Variants in TSEN15 observed in about 807,000 individuals in gnomAD.
The protein encoded by TSEN15 is tRNA-splicing endonuclease subunit Sen15.
In TSEN15, 10 loss-of-function variants were observed where a neutral mutation model predicts 20.5. That is an observed-to-expected ratio of 0.49 (90% CI 0.30 to 0.83). The LOEUF is 0.83. Among genes scored for constraint, TSEN15 ranks in the 40% least tolerant of loss-of-function variants. TSEN15 has a pLI of 0.06. For missense variants in TSEN15, 180 were observed against 218.6 expected (o/e 0.82, Z 1.11); for synonymous variants, 72 against 80.1 (o/e 0.90, Z 0.54).
chr1:184,087,320 T>G (rs1325302271), intron 3 of TSEN15, among the ~76,000 whole-genome samples: 2 of 152,232 alleles, frequency 1.3e-5, no homozygotes, highest in Non-Finnish European at 1.5e-5. Flanking sequence ...TACTATCTCT[T>G]TGAAATCTGG....
Position 184,072,187 on chromosome 1 carries a change from G to A in TSEN15, c.384G>A (p.Lys128=), listed in dbSNP as rs753665502. 76 of 1,613,440 alleles carry A rather than the reference G, an allele frequency of 4.7e-5. No homozygotes were observed. Among genetic ancestry groups the A allele is most frequent in the Non-Finnish European group, 6.4e-5 (75 of 1,179,680 alleles). ...GGGAGATCTTGAAGGCATCTCGAAA[G>A]TTGCAAGGTGATCCAGATTTGCCGA... The part of the protein sequence containing the change: ...RIREILKASR[K]LQGDPDLPMS... The change falls in exon 4 of 5, where the codon AAG becomes AAA. Residue 128 remains lysine (K), a synonymous_variant. Transcript: ENST00000645668.
intron 1 of TSEN15, among the ~76,000 whole-genome samples, chr1:184,054,079 C>T (rs769883970): frequency 3.2e-4 from 49 of 152,314 alleles, no homozygotes; most frequent in Middle Eastern, 3.4e-3. Flanking sequence ...GAGTAGAGCT[C>T]TTCTGACCTG....
intron 3 of TSEN15, chr1:184,095,556 C>G (rs2101949733): frequency 2.5e-6 from 1 of 394,192 alleles, no homozygotes; most frequent in East Asian, 3.6e-5. Context: ...AGAGTGGGGC[C>G]TTAATCCAAC....
chr1:184,076,015 C>T (rs1407442501), downstream of TSEN15, among the ~76,000 whole-genome samples: 2 of 151,456 alleles, frequency 1.3e-5, no homozygotes, highest in African/African-American at 4.8e-5. Flanking sequence ...TAGCAATAAA[C>T]CCCAGCTCTG....
exon 4 of TSEN15, chr1:184,095,858 G>C (rs1651440571): frequency 5.0e-6 from 2 of 397,910 alleles, no homozygotes; most frequent in Admixed American, 4.4e-5. Context: ...CTGGTCTGTG[G>C]TATTTTGTTA....
At chr1:184,093,474 TCTCTTAGGG>T (rs1268310810) in intron 3 of TSEN15, among the ~76,000 whole-genome samples, 1 of 152,152 alleles carries the variant, frequency 6.6e-6, no homozygotes, top group African/African-American at 2.4e-5. Context: ...ATAAAATCTA[TCTCTTAGGG>T]CTCTTGTGAG....
At chr1:184,061,349 A>G (rs192641410) in intron 3 of TSEN15, among the ~76,000 whole-genome samples, 2 of 152,266 alleles carry the variant, frequency 1.3e-5, no homozygotes, top group East Asian at 3.9e-4. Context: ...AAAACCTTAA[A>G]TAACATTTTT....
chr1:184,078,762 G>A (rs1651110331), downstream of TSEN15, among the ~76,000 whole-genome samples: 2 of 152,254 alleles, frequency 1.3e-5, no homozygotes, highest in South Asian at 2.1e-4. Context: ...CAAAGTTCAC[G>A]TAGTCAGCAT....
At chr1:184,095,658 TCTCTCTC>T (rs762066898) in intron 3 of TSEN15, 11 of 397,732 alleles carry the variant, frequency 2.8e-5, no homozygotes, top group Non-Finnish European at 3.5e-5. Flanking sequence ...TCTCTCTCTC[TCTCTCTC>T]TCTGTGTCTC....
chr1:184,072,468 A>G (rs988251198), intron 4 of TSEN15, 170 bp downstream of exon 4: 1 of 650,820 alleles, frequency 1.5e-6, no homozygotes, highest in African/African-American at 1.9e-5. Context: ...TATTTTGTTC[A>G]AAGTAGCATG....
intron 3 of TSEN15, 154 bp from the exon 4 acceptor site, chr1:184,072,003 A>G: frequency 1.6e-6 from 1 of 626,308 alleles, no homozygotes; most frequent in Non-Finnish European, 2.6e-6. Context: ...CTATACCAGA[A>G]GACTCTGATG....
chr1:184,077,244 C>T (rs554125789), downstream of TSEN15, among the ~76,000 whole-genome samples: 465 of 152,204 alleles, frequency 3.1e-3, 1 homozygote, highest in African/African-American at 0.011. Context: ...TTAAGAATTA[C>T]GCCCAATCTA....
chr1:184,057,415 T>C (rs1010478556), intron 3 of TSEN15, among the ~76,000 whole-genome samples: 2 of 152,134 alleles, frequency 1.3e-5, no homozygotes, highest in Non-Finnish European at 2.9e-5. Context: ...ATGAATACCG[T>C]TGATGAATAC....
At chr1:184,081,224 A>G (rs1483470971) in intron 3 of TSEN15, among the ~76,000 whole-genome samples, 1 of 152,182 alleles carries the variant, frequency 6.6e-6, no homozygotes, top group Non-Finnish European at 1.5e-5. Context: ...CATATTAGTC[A>G]GGGTGGGCTG....
chr1:184,058,541 A>G (rs1036917604), intron 3 of TSEN15, among the ~76,000 whole-genome samples: 5 of 151,980 alleles, frequency 3.3e-5, no homozygotes, highest in Admixed American at 2.6e-4. Context: ...ACTTTTATCT[A>G]TTTTTACTTT....
rs371664410 is a variant in TSEN15 at position 184,072,888 on chromosome 1, G to C, written c.*41G>C. ...ATGCTTGTTTTATTCATACAAGATT[G>C]GATTTGAGACCCATCAGACTGCTTC... is the stretch of plus-strand genomic sequence containing the variant. On this transcript the variant is annotated 3_prime_UTR_variant, in exon 5 of 5. Transcript: ENST00000645668. 2.6e-5 allele frequency: 42 copies of C among 1,586,710 alleles called. No homozygotes were observed. Among genetic ancestry groups the C allele is most frequent in the Non-Finnish European group, 3.6e-5 (42 of 1,165,854 alleles).
rs779534093 is a variant in TSEN15, at chr1:184,072,904, A to G, written c.*57A>G. On this transcript the variant is annotated 3_prime_UTR_variant, in exon 5 of 5. Coordinates refer to ENST00000645668, the MANE Select transcript of TSEN15 (RefSeq NM_052965.4). ...TACAAGATTGGATTTGAGACCCATC[A>G]GACTGCTTCATCTTTTATCTCAGAA... 3.3e-6 allele frequency: 5 copies of G among 1,521,472 alleles called. No individual in the cohort carries two copies. Among genetic ancestry groups the G allele is most frequent in the South Asian group, 1.2e-5 (1 of 83,448 alleles). 94.2% of individuals were successfully genotyped at this position (1,521,472 alleles called of 1,614,324 possible).
chr1:184,074,341 T>G (rs1383579830), downstream of TSEN15: 1 of 152,186 alleles, frequency 6.6e-6, no homozygotes, highest in Non-Finnish European at 1.5e-5. Context: ...ACAGATTAGT[T>G]GGGTCCTCCA....
At chr1:184,080,641 T>C (rs1557889000) in intron 3 of TSEN15, among the ~76,000 whole-genome samples, 1 of 152,132 alleles carries the variant, frequency 6.6e-6, no homozygotes, top group Non-Finnish European at 1.5e-5. Flanking sequence ...ATTTACAGAG[T>C]TTTATTCCAG....
Sources: allele counts gnomAD v4.1 joint callset (sites outside exome capture counted in the v4.1 genomes callset), GRCh38; gene constraint gnomAD v4.1.1; transcripts MANE v1.5; gene names NCBI Gene and HGNC (gene_info 2026-07-23, HGNC 2026-07-21).